PDE12: variants seen among roughly 807,000 people sequenced by gnomAD.
PDE12 encodes the protein phosphodiesterase 12.
A neutral mutation model predicts 45.4 loss-of-function variants in PDE12; 26 were observed. The observed-to-expected ratio is 0.57, with a 90% confidence interval of 0.42 to 0.79. The LOEUF (loss-of-function observed/expected upper bound fraction) is 0.79. Ranked by LOEUF, PDE12 falls within the 30% of genes least tolerant of loss-of-function variation. The pLI is 0.00. For synonymous variants in PDE12, 283 were observed against 323.9 expected (o/e 0.87, Z 1.36); for missense variants, 668 against 790.0 (o/e 0.85, Z 1.85).
In PDE12 at chr3:57,565,461, A is replaced by T. The variant is rs929958588; in HGVS notation, c.*5457A>T. The T allele has an allele frequency of 2.0e-5, 3 of 152,230 alleles. No homozygotes were observed. Among genetic ancestry groups the T allele is most frequent in the Non-Finnish European group, 4.4e-5 (3 of 68,038 alleles). 9.4% of individuals were successfully genotyped at this position (152,230 alleles called of 1,614,324 possible). A position where few individuals can be genotyped will look rare whatever the true frequency, so the allele number is the denominator to read the frequency against. On this transcript the variant is annotated 3_prime_UTR_variant, in exon 3 of 3. Transcript: ENST00000311180. ...TCAAGCATTCATTTGTGTTACGAAC[A>T]TTCCAATTGTACTCTCTCAGTTATT...
chr3:57,591,377 G>A, the PDE12 span, among the ~76,000 whole-genome samples: 2 of 151,356 alleles, frequency 1.3e-5, no homozygotes, highest in African/African-American at 4.9e-5. Context: ...AAGAAATGAG[G>A]TGCTTATGTG....
chr3:57,614,188 CCAA>C, the PDE12 span, among the ~76,000 whole-genome samples: 1 of 152,052 alleles, frequency 6.6e-6, no homozygotes. Flanking sequence ...AACACTCCAC[CCAA>C]CAACAGCAAA....
At chr3:57,650,847 C>T in the PDE12 span, among the ~76,000 whole-genome samples, 3 of 149,576 alleles carry the variant, frequency 2.0e-5, no homozygotes, top group African/African-American at 4.9e-5. Context: ...TGCAATGGCG[C>T]GATCTTGGCT....
chr3:57,609,560 C>G, the PDE12 span, among the ~76,000 whole-genome samples: 2 of 152,026 alleles, frequency 1.3e-5, no homozygotes, highest in Non-Finnish European at 2.9e-5. Context: ...ATATCACCAC[C>G]AATCCCACAG....
At chr3:57,591,436 T>A in the PDE12 span, among the ~76,000 whole-genome samples, 1 of 151,578 alleles carries the variant, frequency 6.6e-6, no homozygotes, top group Non-Finnish European at 1.5e-5. Context: ...ATATACGCTA[T>A]AATATGAATG....
In PDE12 at chr3:57,566,710, GTTAAGCATCT is replaced by G. The variant is rs2069789205; in HGVS notation, c.*6709_*6718del. 1 of 152,144 alleles carries G rather than the reference GTTAAGCATCT, an allele frequency of 6.6e-6. No individual in the cohort carries two copies. Among genetic ancestry groups the G allele is most frequent in the Non-Finnish European group, 1.5e-5 (1 of 68,024 alleles). The allele number at this position is 152,144 out of a possible 1,614,324, so 9.4% of individuals were successfully genotyped here. ...TTGCATTTCCATGATGGTTAACGAT[GTTAAGCATCT>G]TTTCATGTGCTCGTTGGCCATCTAT... On this transcript the variant is annotated 3_prime_UTR_variant, in exon 3 of 3. Coordinates refer to ENST00000311180, the MANE Select transcript of PDE12 (RefSeq NM_177966.7).
the PDE12 span, among the ~76,000 whole-genome samples, chr3:57,581,672 T>G: frequency 6.6e-6 from 1 of 152,114 alleles, no homozygotes; most frequent in African/African-American, 2.4e-5. Flanking sequence ...TGGTGGCGCA[T>G]GCCTGAAGTC....
chr3:57,603,059 C>T, the PDE12 span, among the ~76,000 whole-genome samples: 1 of 151,628 alleles, frequency 6.6e-6, no homozygotes, highest in African/African-American at 2.4e-5. Context: ...CCCAACTACT[C>T]AGCAGGCTGA....
In PDE12 at chr3:57,557,461, T is replaced by C. The variant is rs1284492632; in HGVS notation, c.1082T>C (p.Leu361Ser). ...EVDRAVFSDSLVPALEAFGLE... is the reference protein window; with the variant it reads ...EVDRAVFSDSSVPALEAFGLE... ...GACCGCGCAGTGTTTTCTGACAGCT[T>C]GGTACCCGCCCTAGAGGCCTTCGGG... Residue 361 changes from leucine (L) to serine (S), a missense_variant, in exon 1 of 3, where the codon TTG (leucine) becomes TCG (serine). Around this residue, in one of 3 missense-constraint regions of PDE12, gnomAD observed 580 missense variants for 662.9 expected, o/e 0.87. Coordinates refer to ENST00000311180, the MANE Select transcript of PDE12 (RefSeq NM_177966.7). 6.2e-7 allele frequency: 1 copy of C among 1,614,010 alleles called. No homozygotes were observed. Among genetic ancestry groups the C allele is most frequent in the South Asian group, 1.1e-5 (1 of 91,076 alleles).
In PDE12 at chr3:57,556,624, C is replaced by G; in HGVS notation, c.245C>G (p.Ala82Gly). ...GRVLSRIATN[A>G]LKGHAKAAAA... ...GTCCTCAGCCGCATCGCTACCAATG[C>G]CCTAAAGGGTCACGCTAAGGCGGCC... The change falls in exon 1 of 3, where the codon GCC (alanine) becomes GGC (glycine). Residue 82 changes from alanine (A) to glycine (G), a missense_variant. Transcript: ENST00000311180. The surrounding 1 kb of genome is among the most constrained non-coding windows in gnomAD (Gnocchi z 5.0). 6.2e-7 allele frequency: 1 copy of G among 1,608,898 alleles called. No homozygotes were observed.
At chr3:57,630,441 G>C in the PDE12 span, 23 of 1,590,776 alleles carry the variant, frequency 1.4e-5, no homozygotes, top group African/African-American at 3.0e-4. Flanking sequence ...AGAGCTTCTA[G>C]ATGGAGTGCC....
At chr3:57,581,045 T>C in the PDE12 span, among the ~76,000 whole-genome samples, 1 of 152,352 alleles carries the variant, frequency 6.6e-6, no homozygotes, top group South Asian at 2.1e-4. Flanking sequence ...AAAGCTAGGA[T>C]TCTACAGATA....
the PDE12 span, chr3:57,654,933 A>G: frequency 3.1e-6 from 1 of 321,536 alleles, no homozygotes; most frequent in African/African-American, 2.2e-5. Context: ...AGTCACAAAT[A>G]AAGCATTAAT....
In PDE12 at chr3:57,560,176, T is replaced by A; in HGVS notation, c.*172T>A. On this transcript the variant is annotated 3_prime_UTR_variant, in exon 3 of 3. Transcript: ENST00000311180. Reference sequence around the variant, plus strand: ...AAACTGTTGATGTTTGCATCATACATCTTCTCTTTCCTTGTTTTCCTCTAC... The same window carrying A: ...AAACTGTTGATGTTTGCATCATACAACTTCTCTTTCCTTGTTTTCCTCTAC... The A allele has an allele frequency of 7.5e-7, 1 of 1,341,188 alleles. No individual in the cohort carries two copies. The highest frequency in any genetic ancestry group is 9.5e-7 in the Non-Finnish European group (1 of 1,050,502). The allele number at this position is 1,341,188 out of a possible 1,614,324, so 83.1% of individuals were successfully genotyped here. A position where few individuals can be genotyped will look rare whatever the true frequency, so the allele number is the denominator to read the frequency against.
chr3:57,563,005 C>A lies in PDE12; in HGVS notation c.*3001C>A, dbSNP rs1387187494. 2 of 152,044 alleles carry A rather than the reference C, an allele frequency of 1.3e-5. No homozygotes were observed. Among genetic ancestry groups the A allele is most frequent in the Admixed American group, 1.3e-4 (2 of 15,260 alleles). The allele number at this position is 152,044 out of a possible 1,614,324, so 9.4% of individuals were successfully genotyped here. A position where few individuals can be genotyped will look rare whatever the true frequency, so the allele number is the denominator to read the frequency against. On this transcript the variant is annotated 3_prime_UTR_variant, in exon 3 of 3. Coordinates refer to ENST00000311180, the MANE Select transcript of PDE12 (RefSeq NM_177966.7). ...AGAACACTACTGTGGAAAGTTCTTA[C>A]GATGGAAATTGACATCTTTTGTATC...
At position 57,556,571 on chromosome 3, in the gene PDE12, GCGCGACCAGAGCGAGCCGCTGGGT is replaced by G; in HGVS notation, c.195_218del (p.Asp66_Arg73del). On this transcript the variant is annotated inframe_deletion, in exon 1 of 3. Transcript: ENST00000311180. The surrounding 1 kb of genome is among the most constrained non-coding windows in gnomAD (Gnocchi z 5.0). Reference sequence around the variant, plus strand: ...CTGATGGTAGCCACAAGAACATGCAGCGCGACCAGAGCGAGCCGCTGGGTCGAGTCCTCAGCCGCATCGCTACCA... The same window carrying G: ...CTGATGGTAGCCACAAGAACATGCAGCGAGTCCTCAGCCGCATCGCTACCA... The G allele has an allele frequency of 1.2e-6, 2 of 1,613,466 alleles. No individual in the cohort carries two copies. The highest frequency in any genetic ancestry group is 1.7e-6 in the Non-Finnish European group (2 of 1,179,990).
At chr3:57,625,745 A>G in the PDE12 span, 2 of 152,482 alleles carry the variant, frequency 1.3e-5, no homozygotes, top group Non-Finnish European at 2.9e-5. Flanking sequence ...ACATAGTTTG[A>G]AATTAAGAGA....
chr3:57,603,241 A>C, the PDE12 span, among the ~76,000 whole-genome samples: 1 of 152,198 alleles, frequency 6.6e-6, no homozygotes, highest in Non-Finnish European at 1.5e-5. Context: ...TTTACCAGGT[A>C]CCACTGCAAC....
rs1172686378 is a variant in PDE12, at chr3:57,557,611, A to G, written c.1232A>G (p.His411Arg). ...GAAGCCCTCGAGTCCGACCCACTTC[A>G]CAAAGAACTGCTGGAGAAACTAGTT... ...FYEALESDPLHKELLEKLVLY... is the reference protein window; with the variant it reads ...FYEALESDPLRKELLEKLVLY... Residue 411 changes from histidine (H) to arginine (R), a missense_variant, in exon 1 of 3, where the codon CAC (histidine) becomes CGC (arginine). Transcript: ENST00000311180. 4 of 1,614,014 alleles carry G rather than the reference A, an allele frequency of 2.5e-6. No individual in the cohort carries two copies.
Sources: gnomAD v4.1 joint callset for allele counts (sites outside exome capture counted in the v4.1 genomes callset) on GRCh38, gnomAD v4.1.1 for gene constraint, gnomAD v4.1.1 regional missense constraint, Gnocchi (gnomAD v3.1) non-coding constraint, MANE v1.5 for transcripts, NCBI Gene and HGNC (gene_info 2026-07-23, HGNC 2026-07-21) for gene names.